Variants in PDE4D observed in about 807,000 individuals in gnomAD.
PDE4D encodes the protein 3',5'-cyclic-AMP phosphodiesterase 4D.
A neutral mutation model predicts 87.4 loss-of-function variants in PDE4D; 24 were observed. The ratio of observed to expected loss-of-function variants is 0.27; its 90% CI spans 0.20 to 0.39. The LOEUF is 0.39. Among genes scored for constraint, PDE4D ranks in the 10% least tolerant of loss-of-function variants. The pLI, the probability that PDE4D is intolerant of heterozygous loss-of-function variation, is 1.00. For synonymous variants in PDE4D, 384 were observed against 383.2 expected, an observed-to-expected ratio of 1.00 and a Z score of -0.02; for missense variants, 714 against 1,041.0, an observed-to-expected ratio of 0.69 and a Z score of 4.32.
At chr5:59,554,353 C>T (rs961687028) in intron 1 of PDE4D, among the ~76,000 whole-genome samples, 3 of 152,060 alleles carry the variant, frequency 2.0e-5, no homozygotes, top group African/African-American at 4.8e-5. Flanking sequence ...GCCCCCATCC[C>T]CCTCCATTTT....
intron 1 of PDE4D, among the ~76,000 whole-genome samples, chr5:59,525,382 G>A (rs1051457876): frequency 2.0e-5 from 3 of 152,194 alleles, no homozygotes; most frequent in African/African-American, 7.2e-5. Flanking sequence ...CCTTTGTTCT[G>A]GACAATTTCT....
intron 2 of PDE4D, among the ~76,000 whole-genome samples, chr5:60,085,206 AG>A (rs1774402593): frequency 6.6e-6 from 1 of 152,098 alleles, no homozygotes; most frequent in Non-Finnish European, 1.5e-5. Flanking sequence ...AAAAAATGAG[AG>A]GGGAAAAGAG....
chr5:59,224,868 A>G (rs569702191), intron 1 of PDE4D, among the ~76,000 whole-genome samples: 25 of 152,268 alleles, frequency 1.6e-4, no homozygotes, highest in African/African-American at 5.1e-4. Flanking sequence ...AAATCAGCCA[A>G]TCTTGGTCTT....
chr5:60,519,609 A>C (rs1171972254), intron 1 of PDE4D, among the ~76,000 whole-genome samples: 1 of 152,252 alleles, frequency 6.6e-6, no homozygotes, highest in South Asian at 2.1e-4. Flanking sequence ...GTTTGGAAAA[A>C]AAAGAATAGT....
intron 1 of PDE4D, among the ~76,000 whole-genome samples, chr5:59,385,533 A>G (rs434422): frequency 0.38 from 58,260 of 151,956 alleles, 12,742 homozygotes; most frequent in African/African-American, 0.6. Context: ...GGTAGGAGGC[A>G]AGGTTTCAGC....
chr5:59,592,248 G>T, intron 1 of PDE4D: 1 of 572,314 alleles, frequency 1.7e-6, no homozygotes, highest in Non-Finnish European at 2.2e-6. Flanking sequence ...TGATAGTCAT[G>T]ACTTTCCACT....
intron 1 of PDE4D, among the ~76,000 whole-genome samples, chr5:59,319,160 A>ATATG (rs1255214869): frequency 7.2e-6 from 1 of 139,674 alleles, no homozygotes; most frequent in Non-Finnish European, 1.6e-5. Context: ...GTACATATAT[A>ATATG]TGTGTGTGTG....
chr5:59,039,660 T>C, intron 5 of PDE4D: 4 of 315,266 alleles, frequency 1.3e-5, no homozygotes, highest in Non-Finnish European at 1.8e-5. Context: ...AGATTCCGAA[T>C]TGCAAAAGCC....
intron 2 of PDE4D, among the ~76,000 whole-genome samples, chr5:60,076,139 C>T (rs1002868100): frequency 6.6e-6 from 1 of 151,260 alleles, no homozygotes; most frequent in African/African-American, 2.4e-5. Context: ...TCTTTGTGGT[C>T]TGATGTTCCT....
intron 1 of PDE4D, among the ~76,000 whole-genome samples, chr5:59,501,440 A>G (rs1808268413): frequency 6.6e-6 from 1 of 152,196 alleles, no homozygotes; most frequent in South Asian, 2.1e-4. Flanking sequence ...AAAGACATGC[A>G]CAAATAATTT....
intron 2 of PDE4D, among the ~76,000 whole-genome samples, chr5:60,063,092 AAAG>A (rs879543547): frequency 0.06 from 7,812 of 130,092 alleles, 316 homozygotes; most frequent in South Asian, 0.09. Flanking sequence ...AGAAAGAAAG[AAAG>A]AAGAAAGAAA....
chr5:60,160,513 G>GA (rs199695648), intron 2 of PDE4D, among the ~76,000 whole-genome samples: 2,307 of 149,942 alleles, frequency 0.015, 67 homozygotes, highest in African/African-American at 0.049. Context: ...TTTTAAAAGA[G>GA]AAAAAAAAAT....
At chr5:59,031,575 G>A (rs1190623590) in intron 6 of PDE4D, among the ~76,000 whole-genome samples, 2 of 148,494 alleles carry the variant, frequency 1.3e-5, no homozygotes, top group African/African-American at 2.5e-5. Context: ...GGGCGTGGTA[G>A]CGGGCGCCTG....
intron 1 of PDE4D, among the ~76,000 whole-genome samples, chr5:60,267,319 A>G (rs1750320982): frequency 6.6e-6 from 1 of 152,176 alleles, no homozygotes. Flanking sequence ...GTGTGTGTTT[A>G]TATCTTTCTG....
At chr5:59,432,695 A>G (rs16889849) in intron 1 of PDE4D, among the ~76,000 whole-genome samples, 11,299 of 152,138 alleles carry the variant, frequency 0.074, 1,373 homozygotes, top group African/African-American at 0.26. Context: ...TAAAACTACT[A>G]TTAAGGTGTC....
At chr5:60,054,738 T>C (rs746386213) in intron 2 of PDE4D, among the ~76,000 whole-genome samples, 5 of 152,260 alleles carry the variant, frequency 3.3e-5, no homozygotes, top group Non-Finnish European at 7.4e-5. Flanking sequence ...ATAAGCCTTT[T>C]AAAGTATTCT....
At chr5:59,066,173 G>A (rs1301201817) in intron 5 of PDE4D, among the ~76,000 whole-genome samples, 3 of 152,108 alleles carry the variant, frequency 2.0e-5, no homozygotes, top group Non-Finnish European at 4.4e-5. Context: ...TATGCAAAGA[G>A]GAATAAGTCC....
chr5:60,500,261 T>C (rs531136398), intron 1 of PDE4D, among the ~76,000 whole-genome samples: 15 of 152,196 alleles, frequency 9.9e-5, no homozygotes, highest in Middle Eastern at 3.4e-3. Context: ...CCATCCATGA[T>C]TGTGCCACTG....
At chr5:59,326,011 G>T (rs560140418) in intron 1 of PDE4D, among the ~76,000 whole-genome samples, 3 of 151,954 alleles carry the variant, frequency 2.0e-5, no homozygotes, top group Admixed American at 1.3e-4. Context: ...GCAAACTATC[G>T]CAAGGACAGA....
Sources: gnomAD v4.1 joint callset for allele counts (sites outside exome capture counted in the v4.1 genomes callset) on GRCh38, gnomAD v4.1.1 for gene constraint, MANE v1.5 for transcripts, NCBI Gene and HGNC (gene_info 2026-07-23, HGNC 2026-07-21) for gene names.